Variants in ERG observed in about 807,000 individuals in gnomAD.
ERG encodes ETS transcription factor ERG.
Under a neutral mutation model 55.3 loss-of-function variants are expected in ERG, and 9 were observed. That is an observed-to-expected ratio of 0.16 (90% CI 0.10 to 0.28). The LOEUF (loss-of-function observed/expected upper bound fraction) is 0.28. Ranked by LOEUF, ERG falls within the 10% of genes least tolerant of loss-of-function variation. The pLI is 1.00. For missense variants in ERG, 434 were observed against 631.6 expected (o/e 0.69, Z 3.35); for synonymous variants, 223 against 237.3 (o/e 0.94, Z 0.55).
At chr21:38,632,612 GCTCT>G in intron 1 of ERG, among the ~76,000 whole-genome samples, 1 of 151,814 alleles carries the variant, frequency 6.6e-6, no homozygotes, top group East Asian at 1.9e-4. Flanking sequence ...CCCTGCACAT[GCTCT>G]CTCTCTCTCG....
chr21:38,451,818 T>A (rs903328061), intron 1 of ERG, among the ~76,000 whole-genome samples: 1 of 152,180 alleles, frequency 6.6e-6, no homozygotes, highest in African/African-American at 2.4e-5. Flanking sequence ...GCCACCAGTA[T>A]CTCATTAAAC....
At chr21:38,623,053 ACAC>A (rs1298950370) in intron 1 of ERG, among the ~76,000 whole-genome samples, 4 of 144,850 alleles carry the variant, frequency 2.8e-5, no homozygotes, top group Non-Finnish European at 6.1e-5. Flanking sequence ...GACCACACAC[ACAC>A]ATCATACATA....
chr21:38,645,670 A>T (rs2060451603), intron 1 of ERG, among the ~76,000 whole-genome samples: 1 of 152,224 alleles, frequency 6.6e-6, no homozygotes, highest in Non-Finnish European at 1.5e-5. Flanking sequence ...GAAAGACTTG[A>T]GAAAGAGTGA....
intron 2 of ERG, among the ~76,000 whole-genome samples, chr21:38,506,112 A>G (rs540316153): frequency 3.3e-5 from 5 of 152,266 alleles, no homozygotes; most frequent in Non-Finnish European, 7.4e-5. Context: ...AGATCTGAAT[A>G]TAAGATTAAA....
In ERG at chr21:38,550,155, C is replaced by A. The variant is rs1284713825; in HGVS notation, c.-41+25507G>T. On this transcript the variant is annotated intron_variant, in intron 2 of 8. Transcript: ENST00000398897. ...CAGAAATGCCAAGAGGATCCGGAAA[C>A]CTTTTGACCTGGTTGCTGAGTCACA... Among the ~76,000 whole-genome samples the A allele has an allele frequency of 2.0e-5, 3 of 152,136 alleles. No individual in the cohort carries two copies. The East Asian group carries it at 5.8e-4, about 29-fold the overall frequency.
intron 2 of ERG, among the ~76,000 whole-genome samples, chr21:38,558,782 C>A (rs1999328): frequency 0.89 from 134,921 of 152,252 alleles, 60,079 homozygotes; most frequent in African/African-American, 0.95. Flanking sequence ...AAATGATTTC[C>A]ACAAATGAAC....
At chr21:38,441,283 G>A (rs2058838789) in intron 2 of ERG, among the ~76,000 whole-genome samples, 1 of 152,210 alleles carries the variant, frequency 6.6e-6, no homozygotes, top group Admixed American at 6.5e-5. Flanking sequence ...AACTGAGGTT[G>A]TACTGGGAAG....
chr21:38,450,017 A>ATAATTATT (rs1309576316), intron 1 of ERG, among the ~76,000 whole-genome samples: 2 of 152,132 alleles, frequency 1.3e-5, no homozygotes, highest in African/African-American at 2.4e-5. Flanking sequence ...CTTATATGCT[A>ATAATTATT]TAATTATTTG....
chr21:38,590,254 T>C (rs2060091777), intron 1 of ERG, among the ~76,000 whole-genome samples: 1 of 152,030 alleles, frequency 6.6e-6, no homozygotes, highest in South Asian at 2.1e-4. Flanking sequence ...GTGGTGAGGG[T>C]CACAAGAGAG....
At chr21:38,453,018 G>A (rs2058955297) in intron 1 of ERG, among the ~76,000 whole-genome samples, 2 of 152,162 alleles carry the variant, frequency 1.3e-5, no homozygotes, top group South Asian at 4.1e-4. Flanking sequence ...GCTATAAATG[G>A]GATCCACAAA....
chr21:38,606,930 CA>C (rs1309302859), intron 1 of ERG, among the ~76,000 whole-genome samples: 2 of 151,918 alleles, frequency 1.3e-5, no homozygotes, highest in Admixed American at 1.3e-4. Context: ...AATGAGACTT[CA>C]GATTTTTTTT....
chr21:38,648,064 T>C (rs1256404884), intron 1 of ERG, among the ~76,000 whole-genome samples: 4 of 152,258 alleles, frequency 2.6e-5, no homozygotes, highest in African/African-American at 9.6e-5. Context: ...ACAAATAGGC[T>C]TGTGCATTCC....
chr21:38,462,807 C>T (rs1746049366), intron 1 of ERG, among the ~76,000 whole-genome samples: 1 of 152,278 alleles, frequency 6.6e-6, no homozygotes. Context: ...CATCATGACC[C>T]CCACCCATCA....
chr21:38,440,638 TGG>T (rs1404899736), intron 2 of ERG, among the ~76,000 whole-genome samples: 1 of 151,740 alleles, frequency 6.6e-6, no homozygotes, highest in African/African-American at 2.4e-5. Context: ...CTGGACAACA[TGG>T]TGAAGCCCCA....
intron 1 of ERG, among the ~76,000 whole-genome samples, chr21:38,487,921 A>G (rs1418904760): frequency 6.6e-6 from 1 of 152,228 alleles, no homozygotes; most frequent in Admixed American, 6.5e-5. Context: ...AAATACATAT[A>G]TTGAATATGT....
At chr21:38,479,685 C>T (rs2059219761) in intron 1 of ERG, among the ~76,000 whole-genome samples, 2 of 152,134 alleles carry the variant, frequency 1.3e-5, no homozygotes, top group South Asian at 4.1e-4. Flanking sequence ...AGGACTGAAC[C>T]CAACTGCCAT....
chr21:38,384,023 C>A, intron 9 of ERG, 100 bp from the exon 10 acceptor site: 1 of 1,456,032 alleles, frequency 6.9e-7, no homozygotes. Flanking sequence ...GGTGTGCCGC[C>A]CACATTCCCT....
At chr21:38,496,460 G>A (rs899546616) in intron 1 of ERG, among the ~76,000 whole-genome samples, 2 of 151,984 alleles carry the variant, frequency 1.3e-5, no homozygotes, top group Admixed American at 1.3e-4. Flanking sequence ...TATAAACAAG[G>A]CTGTAAAATC....
chr21:38,487,387 T>G (rs938538927), intron 1 of ERG, among the ~76,000 whole-genome samples: 2 of 152,208 alleles, frequency 1.3e-5, no homozygotes, highest in Non-Finnish European at 2.9e-5. Context: ...AACGAAGTTT[T>G]TATTACTGCC....
Sources: gnomAD v4.1 joint callset for allele counts (sites outside exome capture counted in the v4.1 genomes callset) on GRCh38, gnomAD v4.1.1 for gene constraint, MANE v1.5 for transcripts, NCBI Gene and HGNC (gene_info 2026-07-23, HGNC 2026-07-21) for gene names.